KYNU: variants seen among roughly 807,000 people sequenced by gnomAD.
KYNU encodes L-kynurenine hydrolase.
Under a neutral mutation model 59.2 loss-of-function variants are expected in KYNU, and 54 were observed. The ratio of observed to expected loss-of-function variants is 0.91; its 90% CI spans 0.73 to 1.14. The LOEUF is 1.14. Among genes scored for constraint, KYNU ranks in the 50% most tolerant of loss-of-function variants. The pLI is 0.00. For missense variants in KYNU, 567 were observed against 554.4 expected (o/e 1.02, Z -0.23); for synonymous variants, 177 against 192.0 (o/e 0.92, Z 0.65).
chr2:142,965,399 T>C (rs1200102847), intron 8 of KYNU, among the ~76,000 whole-genome samples: 1 of 152,194 alleles, frequency 6.6e-6, no homozygotes, highest in Non-Finnish European at 1.5e-5. Flanking sequence ...AATGTTAACC[T>C]TGGGTGAAAA....
intron 4 of KYNU, among the ~76,000 whole-genome samples, chr2:142,931,927 C>T (rs1019251605): frequency 1.5e-4 from 23 of 152,074 alleles, no homozygotes; most frequent in African/African-American, 1.9e-4. Flanking sequence ...GTTTGTGTGA[C>T]GACATTTGCA....
At chr2:142,893,459 T>A (rs962946651) in intron 2 of KYNU, among the ~76,000 whole-genome samples, 2 of 152,196 alleles carry the variant, frequency 1.3e-5, no homozygotes, top group African/African-American at 4.8e-5. Flanking sequence ...TTTAACAGCT[T>A]CACTGGAATG....
chr2:142,935,945 G>A (rs971451280), intron 4 of KYNU, among the ~76,000 whole-genome samples: 3 of 152,174 alleles, frequency 2.0e-5, no homozygotes, highest in Non-Finnish European at 2.9e-5. Flanking sequence ...TGATGGGACG[G>A]TGTAGGAAAA....
rs765350117 is a variant in KYNU at position 142,957,652 on chromosome 2, G to T, written c.519G>T (p.Glu173Asp). 3 of 1,599,774 alleles carry T rather than the reference G, an allele frequency of 1.9e-6. No homozygotes were observed. The African/African-American group carries it at 4.0e-5, about 21-fold the overall frequency. The change falls in exon 7 of 14, where the codon GAG becomes GAT. Residue 173 changes from glutamate (E) to aspartate (D), a missense_variant. Physicochemically the swap from Glu to Asp is conservative, Grantham distance 45. Transcript: ENST00000264170. ...TCTTTCCTTTTTAGTATGCTATTGA[G>T]TCACAACTACAACTTCACGGACTTA... ...KAFPSDHYAI[E>D]SQLQLHGLNI...
intron 4 of KYNU, among the ~76,000 whole-genome samples, chr2:142,935,892 C>T (rs1007080473): frequency 1.3e-5 from 2 of 151,680 alleles, no homozygotes; most frequent in African/African-American, 2.4e-5. Flanking sequence ...CAGGAGAGGG[C>T]GATGAGGAAG....
chr2:143,032,904 T>C (rs1686798499), intron 11 of KYNU, among the ~76,000 whole-genome samples: 1 of 152,094 alleles, frequency 6.6e-6, no homozygotes, highest in African/African-American at 2.4e-5. Flanking sequence ...CATAATAGAA[T>C]AGCAAATGTT....
At chr2:142,980,550 G>A (rs62169913) in intron 8 of KYNU, among the ~76,000 whole-genome samples, 30,437 of 152,054 alleles carry the variant, frequency 0.2, 3,811 homozygotes, top group South Asian at 0.36. Flanking sequence ...ATTAATGGGG[G>A]CTCTGTGAAC....
chr2:143,011,628 G>A (rs1686100851), intron 10 of KYNU, among the ~76,000 whole-genome samples: 1 of 39,104 alleles, frequency 2.6e-5, no homozygotes, highest in African/African-American at 1.3e-4. Context: ...GTTTATTGCG[G>A]CATTATTCAC....
At chr2:143,029,864 G>T (rs532384821) in intron 11 of KYNU, among the ~76,000 whole-genome samples, 185 bp downstream of exon 11, 10 of 152,296 alleles carry the variant, frequency 6.6e-5, no homozygotes, top group African/African-American at 2.4e-4. Context: ...ATTTTAGCAT[G>T]ATTTTGAGTC....
In KYNU at chr2:143,040,659, G is replaced by A; in HGVS notation, c.1272+1G>A. 1 of 1,587,728 alleles carries A rather than the reference G, an allele frequency of 6.3e-7. No individual in the cohort carries two copies. The highest frequency in any genetic ancestry group is 8.6e-7 in the Non-Finnish European group (1 of 1,161,020). On this transcript the variant is annotated splice_donor_variant, in intron 13 of 13. Transcript: ENST00000264170. LOFTEE classifies it high-confidence loss of function. ...AGAACTAGAAAAAAGAGGAGTGGTT[G>A]TAAGTATGTCTTGCTTTGCTACCAG...
intron 4 of KYNU, among the ~76,000 whole-genome samples, chr2:142,936,235 C>T (rs552719943): frequency 6.6e-6 from 1 of 152,246 alleles, no homozygotes; most frequent in South Asian, 2.1e-4. Context: ...AATTTCTCCC[C>T]ATTTCTCCAG....
intron 4 of KYNU, among the ~76,000 whole-genome samples, chr2:142,952,095 T>A (rs1684009919): frequency 6.6e-6 from 1 of 152,190 alleles, no homozygotes; most frequent in Non-Finnish European, 1.5e-5. Context: ...GTTTGTTTTG[T>A]TTTTTGAGAC....
At chr2:142,898,126 C>T (rs7600006) in intron 2 of KYNU, among the ~76,000 whole-genome samples, 82,307 of 152,022 alleles carry the variant, frequency 0.54, 22,961 homozygotes, top group South Asian at 0.69. Context: ...GTGATCTGCC[C>T]ACCTTGGCCT....
At chr2:143,023,651 G>A (rs1686470211) in intron 10 of KYNU, among the ~76,000 whole-genome samples, 1 of 151,662 alleles carries the variant, frequency 6.6e-6, no homozygotes, top group South Asian at 2.1e-4. Context: ...TCAAATTATT[G>A]ACAAAACTAT....
At chr2:142,939,367 G>A (rs541242416) in intron 4 of KYNU, among the ~76,000 whole-genome samples, 1 of 152,206 alleles carries the variant, frequency 6.6e-6, no homozygotes, top group African/African-American at 2.4e-5. Context: ...ACTTTGGGAG[G>A]CTGAAGCGGG....
chr2:142,912,196 G>A (rs1031004394), intron 2 of KYNU, among the ~76,000 whole-genome samples: 11 of 151,972 alleles, frequency 7.2e-5, no homozygotes, highest in Non-Finnish European at 1.3e-4. Flanking sequence ...TTTTTGGTTG[G>A]TAAGATTTTA....
chr2:142,892,684 T>C (rs1409186643), intron 2 of KYNU, among the ~76,000 whole-genome samples: 2 of 152,204 alleles, frequency 1.3e-5, no homozygotes, highest in African/African-American at 4.8e-5. Flanking sequence ...CCTGATTTAG[T>C]AGTAGGAGAG....
intron 12 of KYNU, among the ~76,000 whole-genome samples, chr2:143,039,322 A>G (rs1357706631): frequency 6.6e-6 from 1 of 152,124 alleles, no homozygotes; most frequent in Non-Finnish European, 1.5e-5. Context: ...CACCAGTAAC[A>G]CTGCTTTACA....
At chr2:142,983,154 C>G (rs571521842) in intron 8 of KYNU, among the ~76,000 whole-genome samples, 1 of 149,970 alleles carries the variant, frequency 6.7e-6, no homozygotes, top group Non-Finnish European at 1.5e-5. Context: ...GTTTCTGTGG[C>G]AAACTGCAAG....
Sources: allele counts gnomAD v4.1 joint callset (sites outside exome capture counted in the v4.1 genomes callset), GRCh38; gene constraint gnomAD v4.1.1; transcripts MANE v1.5; gene names NCBI Gene and HGNC (gene_info 2026-07-23, HGNC 2026-07-21).